The following DAB1 variants were observed in gnomAD, a reference collection of about 807,000 sequenced individuals.
DAB1 encodes the protein DAB adaptor protein 1.
Under a neutral mutation model 64.6 loss-of-function variants are expected in DAB1, and 15 were observed. The observed-to-expected ratio is 0.23, with a 90% CI of 0.16 to 0.36. The LOEUF (loss-of-function observed/expected upper bound fraction) is 0.36, where lower values mean the gene tolerates loss of function less well. Among genes scored for constraint, DAB1 ranks in the 10% least tolerant of loss-of-function variants. DAB1 has a pLI of 1.00. For synonymous variants in DAB1, 235 were observed against 251.9 expected, an observed-to-expected ratio of 0.93 and a Z score of 0.64; for missense variants, 596 against 706.7, an observed-to-expected ratio of 0.84 and a Z score of 1.78.
chr1:57,130,922 G>T (rs1212763452), intron 4 of DAB1, among the ~76,000 whole-genome samples: 1 of 152,112 alleles, frequency 6.6e-6, no homozygotes, highest in Non-Finnish European at 1.5e-5. Flanking sequence ...TTACTAACAG[G>T]TTTTTCATCT....
At chr1:57,317,030 C>T (rs1020179507) in intron 1 of DAB1, among the ~76,000 whole-genome samples, 4 of 152,166 alleles carry the variant, frequency 2.6e-5, no homozygotes, top group Admixed American at 6.5e-5. Flanking sequence ...AGAAAGACCC[C>T]GACTTTCATC....
At chr1:58,317,970 C>A (rs546554657) in intron 4 of DAB1, among the ~76,000 whole-genome samples, 4 of 152,134 alleles carry the variant, frequency 2.6e-5, no homozygotes, top group African/African-American at 7.2e-5. Flanking sequence ...CTTTAATGAG[C>A]AGCACAATGC....
At position 57,710,857 on chromosome 1, in the gene DAB1, G is replaced by T. The variant is rs550098654; in HGVS notation, n.552-61192C>A. 8.8e-3 allele frequency among the ~76,000 whole-genome samples: 1,340 copies of T among 152,240 alleles called. 19 individuals are homozygous for T. The highest frequency in any genetic ancestry group is 0.03 in the African/African-American group (1,249 of 41,536). On this transcript the variant is annotated intron_variant and non_coding_transcript_variant, in intron 6 of 20. Transcript: ENST00000485760. ...TCTCCACAAAAATTCAAAGGCTAGG[G>T]TTTCTCAAGGATGGTAGGCCAGGGA...
intron 6 of DAB1, among the ~76,000 whole-genome samples, chr1:57,817,437 A>G (rs1249801509): frequency 6.6e-6 from 1 of 152,188 alleles, no homozygotes; most frequent in African/African-American, 2.4e-5. Flanking sequence ...AGACATCACG[A>G]GCATCCTCGT....
intron 4 of DAB1, among the ~76,000 whole-genome samples, chr1:58,155,957 T>C (rs1389276315): frequency 6.6e-6 from 1 of 152,216 alleles, no homozygotes; most frequent in Non-Finnish European, 1.5e-5. Flanking sequence ...GAATGTGGCA[T>C]TTTGCTTTCT....
chr1:57,992,665 T>C (rs539911399), intron 5 of DAB1, among the ~76,000 whole-genome samples: 7 of 152,308 alleles, frequency 4.6e-5, no homozygotes, highest in African/African-American at 1.7e-4. Flanking sequence ...GGTCCTGTCC[T>C]AACTGATCAT....
chr1:58,276,427 G>A (rs984136901), intron 4 of DAB1, among the ~76,000 whole-genome samples: 6 of 152,146 alleles, frequency 3.9e-5, no homozygotes, highest in Non-Finnish European at 7.3e-5. Context: ...ATAAAATCTG[G>A]TTGGGAAGTT....
At chr1:58,212,349 T>C (rs1366953502) in intron 4 of DAB1, among the ~76,000 whole-genome samples, 1 of 152,144 alleles carries the variant, frequency 6.6e-6, no homozygotes, top group African/African-American at 2.4e-5. Context: ...TACAGATGAG[T>C]AAAGCAAGTC....
At chr1:58,379,520 A>C (rs1445298957) in intron 3 of DAB1, among the ~76,000 whole-genome samples, 3 of 152,236 alleles carry the variant, frequency 2.0e-5, no homozygotes, top group Non-Finnish European at 2.9e-5. Context: ...GTTGAACAAA[A>C]ATTCAAAGTT....
intron 7 of DAB1, among the ~76,000 whole-genome samples, chr1:57,497,699 G>C (rs1421130172): frequency 6.6e-6 from 1 of 152,190 alleles, no homozygotes; most frequent in Non-Finnish European, 1.5e-5. Context: ...GAAATACCAG[G>C]ATACATTCTT....
At chr1:58,027,773 G>A (rs1646915427) in intron 5 of DAB1, among the ~76,000 whole-genome samples, 1 of 152,068 alleles carries the variant, frequency 6.6e-6, no homozygotes, top group African/African-American at 2.4e-5. Flanking sequence ...ATGGCATGAG[G>A]TTAGCACTGG....
At chr1:57,935,699 C>A (rs1169925587) in intron 5 of DAB1, among the ~76,000 whole-genome samples, 1 of 152,004 alleles carries the variant, frequency 6.6e-6, no homozygotes, top group Admixed American at 6.6e-5. Flanking sequence ...GGGTCACAAC[C>A]AGGAATCACC....
chr1:58,320,241 G>A (rs1460739744), intron 4 of DAB1, among the ~76,000 whole-genome samples: 2 of 152,234 alleles, frequency 1.3e-5, no homozygotes, highest in Non-Finnish European at 1.5e-5. Context: ...AGGGCTTCAT[G>A]TGGGCAGTGA....
At chr1:58,132,819 T>G (rs1653711070) in intron 5 of DAB1, among the ~76,000 whole-genome samples, 1 of 152,174 alleles carries the variant, frequency 6.6e-6, no homozygotes, top group African/African-American at 2.4e-5. Flanking sequence ...AATAGGAGAC[T>G]GAAGTAGTAG....
At chr1:58,258,183 G>A (rs1465166978) in intron 4 of DAB1, among the ~76,000 whole-genome samples, 2 of 151,966 alleles carry the variant, frequency 1.3e-5, no homozygotes, top group African/African-American at 4.8e-5. Context: ...TGAGAACCCC[G>A]CGAAGGAGCA....
At chr1:57,083,374 C>T (rs528092523) in intron 4 of DAB1, among the ~76,000 whole-genome samples, 3 of 152,242 alleles carry the variant, frequency 2.0e-5, no homozygotes, top group South Asian at 4.1e-4. Flanking sequence ...ATTTCTGTTT[C>T]GTTCTGCATG....
intron 3 of DAB1, among the ~76,000 whole-genome samples, chr1:58,458,006 T>C (rs1156242409): frequency 1.3e-5 from 2 of 152,206 alleles, no homozygotes; most frequent in East Asian, 3.8e-4. Context: ...AAGTAACTCA[T>C]TTATGTCAGG....
At chr1:57,644,000 C>T (rs1045206537) in intron 7 of DAB1, among the ~76,000 whole-genome samples, 10 of 152,158 alleles carry the variant, frequency 6.6e-5, no homozygotes, top group African/African-American at 1.2e-4. Flanking sequence ...CAGACACAAA[C>T]GAGGGTCTTC....
chr1:58,028,975 C>T (rs748197073), intron 5 of DAB1, among the ~76,000 whole-genome samples: 12 of 152,214 alleles, frequency 7.9e-5, no homozygotes, highest in Middle Eastern at 3.4e-3. Flanking sequence ...GTGGTATGAA[C>T]GGCTACCTCA....
Sources: gnomAD v4.1 joint callset for allele counts (sites outside exome capture counted in the v4.1 genomes callset) on GRCh38, gnomAD v4.1.1 for gene constraint, MANE v1.5 for transcripts, NCBI Gene and HGNC (gene_info 2026-07-23, HGNC 2026-07-21) for gene names.